NBPF15: variants seen among roughly 807,000 people sequenced by gnomAD.
NBPF15 encodes the protein NBPF member 15, also known as NBPF family member NBPF15.
A neutral mutation model predicts 62.2 loss-of-function variants in NBPF15; 74 were observed. That is an observed-to-expected ratio of 1.19 (90% CI 0.99 to 1.44). The LOEUF (loss-of-function observed/expected upper bound fraction) is 1.44, where lower values mean the gene tolerates loss of function less well. NBPF15 is among the 40% of genes most tolerant of loss of function. NBPF15 has a pLI of 0.00. For missense variants in NBPF15, 790 were observed against 550.0 expected, an observed-to-expected ratio of 1.44 and a Z score of -4.36; for synonymous variants, 244 against 209.7, an observed-to-expected ratio of 1.16 and a Z score of -1.41.
At chr1:144,435,057 T>C in intron 12 of NBPF15, 54 bp downstream of exon 12, 1 of 1,611,400 alleles carries the variant, frequency 6.2e-7, no homozygotes, top group Non-Finnish European at 8.5e-7. Context: ...GTCTTCAGAG[T>C]TTATCTTCCT....
chr1:144,425,059 GACACAC>G (rs199782361), intron 19 of NBPF15, among the ~76,000 whole-genome samples, 197 bp from the exon 20 acceptor site: 472 of 92,046 alleles, frequency 5.1e-3, no homozygotes, highest in African/African-American at 7.4e-3. Flanking sequence ...AAGACAGATA[GACACAC>G]ACACACACAC....
chr1:144,432,319 G>A (rs1479383354), intron 13 of NBPF15, among the ~76,000 whole-genome samples: 2 of 151,650 alleles, frequency 1.3e-5, no homozygotes, highest in African/African-American at 4.9e-5. Context: ...CACTAAACAT[G>A]GAAAGGAACA....
At chr1:144,434,077 A>T (rs1213555282) in intron 12 of NBPF15, among the ~76,000 whole-genome samples, 2 of 147,108 alleles carry the variant, frequency 1.4e-5, no homozygotes, top group African/African-American at 5.4e-5. Flanking sequence ...TCAAAGTTAA[A>T]CAAAATTTTT....
At chr1:144,431,571 C>A (rs1181895439) in intron 13 of NBPF15, among the ~76,000 whole-genome samples, 13 of 145,496 alleles carry the variant, frequency 8.9e-5, no homozygotes, top group Admixed American at 6.9e-4. Flanking sequence ...TATACATGTC[C>A]ACATTGGTGT....
At chr1:144,457,116 T>TA (rs1648520220) in intron 3 of NBPF15, among the ~76,000 whole-genome samples, 1 of 151,926 alleles carries the variant, frequency 6.6e-6, no homozygotes, top group Non-Finnish European at 1.5e-5. Flanking sequence ...AATTAGAGGT[T>TA]AGTGAGCTAT....
At chr1:144,448,431 G>A (rs1427474952) in intron 6 of NBPF15, among the ~76,000 whole-genome samples, 29 of 151,944 alleles carry the variant, frequency 1.9e-4, no homozygotes, top group Non-Finnish European at 3.1e-4. Flanking sequence ...CTGTTTCATG[G>A]CCACCTGTTT....
At chr1:144,436,588 C>T (rs1179795140) in intron 10 of NBPF15, among the ~76,000 whole-genome samples, 2 of 152,018 alleles carry the variant, frequency 1.3e-5, no homozygotes, top group East Asian at 1.9e-4. Flanking sequence ...TAGTCCAGAG[C>T]TCTTTTCACT....
rs1167155910 is a variant in NBPF15 at position 144,441,364 on chromosome 1, G to T, written c.-190-1069C>A. On this transcript the variant is annotated intron_variant, in intron 6 of 21. Transcript: ENST00000581897. ...TTTTCAGTCTTTTAAACTACACCAG[G>T]TGTGTAGTGATATCCTAAAATTTGG... 2.0e-5 allele frequency among the ~76,000 whole-genome samples: 3 copies of T among 151,866 alleles called. No individual in the cohort carries two copies. The East Asian group carries it at 5.8e-4, about 29-fold the overall frequency.
intron 4 of NBPF15, among the ~76,000 whole-genome samples, chr1:144,456,237 G>A (rs1376930239): frequency 6.8e-6 from 1 of 147,782 alleles, no homozygotes; most frequent in Non-Finnish European, 1.5e-5. Flanking sequence ...AGAATGGGGG[G>A]TAAGAGGGGA....
intron 6 of NBPF15, chr1:144,442,772 G>C (rs1377138028): frequency 4.9e-6 from 1 of 204,642 alleles, no homozygotes; most frequent in Non-Finnish European, 1.1e-5. Context: ...GTCATGAATG[G>C]ACTGACACTG....
rs1287895961 is a variant in NBPF15 at position 144,428,869 on chromosome 1, G to A, written c.989-212C>T. Among the ~76,000 whole-genome samples, 1,135 of 151,978 alleles carry A rather than the reference G, an allele frequency of 7.5e-3. 14 individuals are homozygous for A. The highest frequency in any genetic ancestry group is 0.014 in the Middle Eastern group (4 of 292). On this transcript the variant is annotated intron_variant, in intron 14 of 21. Coordinates refer to ENST00000581897, the MANE Select transcript of NBPF15 (RefSeq NM_001385408.1). ...GCCTTGGGCAAAATTCCCCTGTTTT[G>A]GAATGTTATCTTCCCTATGTGCTCT...
In NBPF15 at chr1:144,422,820, A is replaced by C. The variant is rs1666630465; in HGVS notation, c.*193T>G. ...CTGCACAGTTATGTGAACGTGTCAC[A>C]CCTAACATGGGTCCATTGTCTTCAG... On this transcript the variant is annotated 3_prime_UTR_variant, in exon 22 of 22. Coordinates refer to ENST00000581897, the MANE Select transcript of NBPF15 (RefSeq NM_001385408.1). 4.3e-6 allele frequency: 6 copies of C among 1,401,198 alleles called. No individual in the cohort carries two copies. The East Asian group carries it at 1.4e-4, about 32-fold the overall frequency. The allele number at this position is 1,401,198 out of a possible 1,614,324, so 86.8% of individuals were successfully genotyped here.
In NBPF15 at chr1:144,451,603, T is replaced by G. The variant is rs587614398; in HGVS notation, c.-431-733A>C. On this transcript the variant is annotated intron_variant, in intron 4 of 21. Coordinates refer to ENST00000581897, the MANE Select transcript of NBPF15 (RefSeq NM_001385408.1). ...TAGTGTGTCTCTGGGCACTTGAGAT[T>G]AGGGAGTGGTGATGACTCTTAACAA... is the stretch of plus-strand genomic sequence containing the variant. Among the ~76,000 whole-genome samples the G allele has an allele frequency of 1.6e-4, 24 of 151,952 alleles. 1 individual carries two copies. Among genetic ancestry groups the G allele is most frequent in the African/African-American group, 4.8e-4 (20 of 41,422 alleles).
At chr1:144,427,499 A>T (rs1454464461) in intron 16 of NBPF15, among the ~76,000 whole-genome samples, 1 of 149,698 alleles carries the variant, frequency 6.7e-6, no homozygotes, top group Non-Finnish European at 1.5e-5. Context: ...AGAGTGAAGG[A>T]TGAAATCTAC....
Position 144,430,887 on chromosome 1 carries a change from T to C in NBPF15, c.825-1024A>G, listed in dbSNP as rs1571118326. 9.9e-5 allele frequency among the ~76,000 whole-genome samples: 15 copies of C among 152,106 alleles called. No homozygotes were observed. The South Asian group carries it at 3.1e-3, about 32-fold the overall frequency. ...AGTGTAGAGAAGACCTTAAATGACC[T>C]GATGGAGCTGAAAACCATGGCACGA... On this transcript the variant is annotated intron_variant, in intron 13 of 21. Transcript: ENST00000581897.
chr1:144,423,743 C>G, intron 21 of NBPF15, 127 bp downstream of exon 21: 3 of 691,144 alleles, frequency 4.3e-6, no homozygotes, highest in South Asian at 1.7e-5. Context: ...TGAAAACCAA[C>G]AGCAATGACA....
chr1:144,426,648 G>A (rs1669884485), intron 17 of NBPF15, among the ~76,000 whole-genome samples, 198 bp from the exon 18 acceptor site: 1 of 150,718 alleles, frequency 6.6e-6, no homozygotes, highest in East Asian at 2.0e-4. Context: ...GACAGGGAGA[G>A]GGAGAGAGAG....
At chr1:144,447,447 C>T (rs1394202182) in intron 6 of NBPF15, among the ~76,000 whole-genome samples, 7 of 151,690 alleles carry the variant, frequency 4.6e-5, no homozygotes, top group African/African-American at 1.5e-4. Flanking sequence ...GGAAGAAATA[C>T]GGACCTCACC....
chr1:144,439,786 A>G, intron 8 of NBPF15, 43 bp downstream of exon 8: 1 of 1,467,834 alleles, frequency 6.8e-7, no homozygotes, highest in East Asian at 2.3e-5. Context: ...AGAAGACAGG[A>G]CATCATTCAT....
Sources: gnomAD v4.1 joint callset for allele counts (sites outside exome capture counted in the v4.1 genomes callset) on GRCh38, gnomAD v4.1.1 for gene constraint, MANE v1.5 for transcripts, NCBI Gene and HGNC (gene_info 2026-07-23, HGNC 2026-07-21) for gene names.